JAKMIP2: variants seen among roughly 807,000 people sequenced by gnomAD.
JAKMIP2 encodes janus kinase and microtubule-interacting protein 2.
A neutral mutation model predicts 115.0 loss-of-function variants in JAKMIP2; 25 were observed. The ratio of observed to expected loss-of-function variants is 0.22; its 90% CI spans 0.16 to 0.30. JAKMIP2 has a LOEUF of 0.30. Among genes scored for constraint, JAKMIP2 ranks in the 10% least tolerant of loss-of-function variants. The pLI, the probability that JAKMIP2 is intolerant of heterozygous loss-of-function variation, is 1.00. For missense variants in JAKMIP2, 642 were observed against 957.6 expected, an observed-to-expected ratio of 0.67 and a Z score of 4.35; for synonymous variants, 334 against 343.6, an observed-to-expected ratio of 0.97 and a Z score of 0.31.
At chr5:147,702,646 AAGAAAGAAAGAAAGAAAG>A (rs1561547569) in intron 1 of JAKMIP2, among the ~76,000 whole-genome samples, 6 of 133,566 alleles carry the variant, frequency 4.5e-5, no homozygotes, top group Non-Finnish European at 7.8e-5. Flanking sequence ...GAAAGAAAGA[AAGAAAGAAAGAAAGAAAG>A]AGAGAGAAAG....
intron 1 of JAKMIP2, among the ~76,000 whole-genome samples, chr5:147,690,523 T>A (rs1392086832): frequency 7.2e-6 from 1 of 137,944 alleles, no homozygotes; most frequent in African/African-American, 2.6e-5. Context: ...GTCATTCATG[T>A]AAAAAACTAA....
chr5:147,594,848 G>A (rs1755286921), intron 21 of JAKMIP2, among the ~76,000 whole-genome samples: 2 of 152,110 alleles, frequency 1.3e-5, no homozygotes, highest in African/African-American at 4.8e-5. Flanking sequence ...AGTACACTGA[G>A]ACTGAAGATT....
chr5:147,635,919 G>A (rs1234903590), intron 12 of JAKMIP2, among the ~76,000 whole-genome samples: 5 of 152,112 alleles, frequency 3.3e-5, no homozygotes, highest in South Asian at 2.1e-4. Flanking sequence ...GTGTGTGTGC[G>A]TGTATGTATA....
rs760276875 is a variant in JAKMIP2, at chr5:147,587,978, A to G, written c.*3729T>C. Reference sequence around the variant, plus strand: ...AAAAAAAAAAATTAAATCAAGATCTATTCTTCCACCCCTAAAACCTAACTG... The same window carrying G: ...AAAAAAAAAAATTAAATCAAGATCTGTTCTTCCACCCCTAAAACCTAACTG... On this transcript the variant is annotated 3_prime_UTR_variant, in exon 22 of 22. Coordinates refer to ENST00000616793, the MANE Select transcript of JAKMIP2 (RefSeq NM_001270941.2). The G allele has an allele frequency of 8.6e-5, 13 of 151,628 alleles. No individual in the cohort carries two copies. Among genetic ancestry groups the G allele is most frequent in the Non-Finnish European group, 1.9e-4 (13 of 67,912 alleles). The allele number at this position is 151,628 out of a possible 1,614,324, so 9.4% of individuals were successfully genotyped here.
chr5:147,617,527 C>T (rs543164429), intron 19 of JAKMIP2, among the ~76,000 whole-genome samples: 4 of 152,036 alleles, frequency 2.6e-5, no homozygotes, highest in African/African-American at 7.2e-5. Flanking sequence ...TTACACTATT[C>T]GGATTATTAT....
chr5:147,710,278 T>C (rs1042155337), intron 1 of JAKMIP2, among the ~76,000 whole-genome samples: 9 of 152,338 alleles, frequency 5.9e-5, no homozygotes, highest in African/African-American at 2.2e-4. Flanking sequence ...TTTTTTCATA[T>C]TATAAATGCT....
chr5:147,598,770 T>C (rs1456166305), intron 21 of JAKMIP2, among the ~76,000 whole-genome samples: 1 of 152,192 alleles, frequency 6.6e-6, no homozygotes, highest in Non-Finnish European at 1.5e-5. Flanking sequence ...CTCTCCATTT[T>C]AAGGAGGACT....
chr5:147,718,004 A>G (rs1460829083), intron 1 of JAKMIP2, among the ~76,000 whole-genome samples: 2 of 88,864 alleles, frequency 2.3e-5, no homozygotes, highest in Non-Finnish European at 4.3e-5. Context: ...AGCTCTTATT[A>G]TTTTGAAATA....
chr5:147,676,070 A>G (rs942854221), intron 1 of JAKMIP2, among the ~76,000 whole-genome samples: 1 of 152,174 alleles, frequency 6.6e-6, no homozygotes, highest in African/African-American at 2.4e-5. Flanking sequence ...GCGGTGGCTC[A>G]CGCCTGCAAT....
intron 1 of JAKMIP2, among the ~76,000 whole-genome samples, chr5:147,690,196 A>T (rs1298481368): frequency 6.6e-6 from 1 of 152,022 alleles, no homozygotes; most frequent in Non-Finnish European, 1.5e-5. Context: ...CAAACAAACA[A>T]ACAAACAAAA....
chr5:147,616,289 G>C (rs1459987479), intron 19 of JAKMIP2, among the ~76,000 whole-genome samples: 4 of 152,158 alleles, frequency 2.6e-5, no homozygotes. Context: ...GGAAGAAGAA[G>C]AGTAAGAAAT....
At chr5:147,671,621 A>C (rs1433486092) in intron 2 of JAKMIP2, 57 bp downstream of exon 2, 1 of 1,317,452 alleles carries the variant, frequency 7.6e-7, no homozygotes, top group Non-Finnish European at 9.8e-7. Context: ...TGCTCGCTGC[A>C]TGTGGACACA....
At chr5:147,710,796 A>G (rs1752748289) in intron 1 of JAKMIP2, among the ~76,000 whole-genome samples, 1 of 152,218 alleles carries the variant, frequency 6.6e-6, no homozygotes, top group Non-Finnish European at 1.5e-5. Context: ...ATGTGATGGG[A>G]AACAGTTCTG....
intron 1 of JAKMIP2, among the ~76,000 whole-genome samples, chr5:147,701,764 G>A (rs1156385946): frequency 6.6e-6 from 1 of 152,148 alleles, no homozygotes; most frequent in Non-Finnish European, 1.5e-5. Context: ...GCAAGTAGGT[G>A]CCATTTATGA....
At chr5:147,745,338 C>G (rs1221573413) in intron 1 of JAKMIP2, among the ~76,000 whole-genome samples, 2 of 152,148 alleles carry the variant, frequency 1.3e-5, no homozygotes, top group Non-Finnish European at 2.9e-5. Context: ...GGTTTCCAAA[C>G]CTTTGAGTTT....
intron 1 of JAKMIP2, among the ~76,000 whole-genome samples, chr5:147,710,784 A>G (rs1338719943): frequency 6.6e-6 from 1 of 152,198 alleles, no homozygotes; most frequent in Non-Finnish European, 1.5e-5. Context: ...ATAAAATGAT[A>G]GATGTGATGG....
chr5:147,753,675 G>A (rs1754640913), intron 1 of JAKMIP2, among the ~76,000 whole-genome samples: 1 of 152,146 alleles, frequency 6.6e-6, no homozygotes, highest in Admixed American at 6.5e-5. Flanking sequence ...TAAAGAATTC[G>A]GTCTTAGCAA....
chr5:147,720,358 T>C (rs1357035683), intron 1 of JAKMIP2, among the ~76,000 whole-genome samples: 2 of 150,272 alleles, frequency 1.3e-5, no homozygotes, highest in Admixed American at 6.6e-5. Flanking sequence ...AGTATCTTTG[T>C]GGCGTTCTCT....
chr5:147,666,176 T>C (rs1759289923), intron 2 of JAKMIP2, among the ~76,000 whole-genome samples: 1 of 152,164 alleles, frequency 6.6e-6, no homozygotes, highest in Admixed American at 6.5e-5. Context: ...AAGTGTTTTA[T>C]TCTGAAGAAA....
Sources: allele counts gnomAD v4.1 joint callset (sites outside exome capture counted in the v4.1 genomes callset), GRCh38; gene constraint gnomAD v4.1.1; transcripts MANE v1.5; gene names NCBI Gene and HGNC (gene_info 2026-07-23, HGNC 2026-07-21).